NSUN3: variants seen among roughly 807,000 people sequenced by gnomAD.
The protein encoded by NSUN3 is tRNA (cytosine(34)-C(5))-methyltransferase, mitochondrial.
NSUN3 carries 24 observed loss-of-function variants against 36.8 expected under a neutral mutation model. That is an observed-to-expected ratio of 0.65 (90% CI 0.47 to 0.92). The LOEUF is 0.92. Among genes scored for constraint, NSUN3 ranks in the 40% least tolerant of loss-of-function variants. The pLI, the probability that NSUN3 is intolerant of heterozygous loss-of-function variation, is 0.00. For synonymous variants in NSUN3, 146 were observed against 145.2 expected, an observed-to-expected ratio of 1.01 and a Z score of -0.04; for missense variants, 381 against 392.8, an observed-to-expected ratio of 0.97 and a Z score of 0.25.
intron 5 of NSUN3, among the ~76,000 whole-genome samples, chr3:94,119,045 AC>A (rs1025750557): frequency 5.9e-5 from 9 of 152,104 alleles, no homozygotes; most frequent in Non-Finnish European, 1.3e-4. Context: ...TTTGGATGAA[AC>A]CTGTGATAAT....
In NSUN3 at chr3:94,129,143, A is replaced by G. The variant is rs1183891486; in HGVS notation, c.*2653A>G. On this transcript the variant is annotated 3_prime_UTR_variant, in exon 6 of 6. Coordinates refer to ENST00000314622, the MANE Select transcript of NSUN3 (RefSeq NM_022072.5). ...AATTGCCATTTGAGCTAGCAATCCC[A>G]TTAGTGGGTATATACCCACAGGAAA... Among the ~76,000 whole-genome samples, 1 of 152,206 alleles carries G rather than the reference A, an allele frequency of 6.6e-6. No homozygotes were observed. Among genetic ancestry groups the G allele is most frequent in the Middle Eastern group, 3.2e-3 (1 of 316 alleles).
chr3:94,073,117 G>A (rs181775104), intron 2 of NSUN3, among the ~76,000 whole-genome samples: 35 of 152,200 alleles, frequency 2.3e-4, no homozygotes, highest in African/African-American at 6.7e-4. Context: ...CCATGTCCCC[G>A]CGAAGGACGT....
chr3:94,071,577 C>G (rs2077224862), intron 2 of NSUN3, among the ~76,000 whole-genome samples: 1 of 152,026 alleles, frequency 6.6e-6, no homozygotes, highest in Non-Finnish European at 1.5e-5. Context: ...AAATTGCATC[C>G]TTTAAACATA....
chr3:94,068,982 C>A (rs1386081148), intron 2 of NSUN3, among the ~76,000 whole-genome samples: 1 of 152,188 alleles, frequency 6.6e-6, no homozygotes, highest in African/African-American at 2.4e-5. Flanking sequence ...AACTTTTAGA[C>A]ACTTTAAAGT....
At chr3:94,082,230 A>G (rs1380059851) in intron 2 of NSUN3, 1 of 152,190 alleles carries the variant, frequency 6.6e-6, no homozygotes. Flanking sequence ...CTTTGGGATC[A>G]GTTTTAAAGC....
At chr3:94,068,416 C>G (rs1462068199) in intron 2 of NSUN3, among the ~76,000 whole-genome samples, 1 of 152,046 alleles carries the variant, frequency 6.6e-6, no homozygotes, top group Non-Finnish European at 1.5e-5. Context: ...ACTTGCTTAT[C>G]TTTTTCCTGA....
At chr3:94,076,810 G>C in intron 2 of NSUN3, 1 of 1,581,130 alleles carries the variant, frequency 6.3e-7, no homozygotes, top group Non-Finnish European at 8.7e-7. Context: ...CTTCATGGTT[G>C]ATCTTGATTT....
intron 3 of NSUN3, among the ~76,000 whole-genome samples, chr3:94,089,874 C>A (rs1018146740): frequency 7.2e-5 from 11 of 152,124 alleles, no homozygotes; most frequent in African/African-American, 2.7e-4. Context: ...CAGTCTAATT[C>A]TTTCTTCTGA....
chr3:94,073,122 G>A (rs1364244724), intron 2 of NSUN3, among the ~76,000 whole-genome samples: 2 of 152,156 alleles, frequency 1.3e-5, no homozygotes, highest in Non-Finnish European at 2.9e-5. Context: ...TCCCCGCGAA[G>A]GACGTGAACT....
At chr3:94,117,720 T>C (rs1306229966) in intron 5 of NSUN3, among the ~76,000 whole-genome samples, 2 of 152,186 alleles carry the variant, frequency 1.3e-5, no homozygotes, top group Non-Finnish European at 2.9e-5. Context: ...ATATTTTTTC[T>C]TTTTTTCTTA....
At chr3:94,065,444 A>G (rs1350896724) in intron 2 of NSUN3, among the ~76,000 whole-genome samples, 8 of 152,224 alleles carry the variant, frequency 5.3e-5, no homozygotes, top group Admixed American at 5.2e-4. Flanking sequence ...AAAGCCCACT[A>G]CATGTTGCAT....
intron 2 of NSUN3, among the ~76,000 whole-genome samples, chr3:94,065,970 A>G (rs912909443): frequency 6.6e-6 from 1 of 152,014 alleles, no homozygotes; most frequent in African/African-American, 2.4e-5. Flanking sequence ...TAAGTGGCAG[A>G]GCTGAGGCTT....
intron 4 of NSUN3, 34 bp downstream of exon 4, chr3:94,094,328 G>T: frequency 6.3e-7 from 1 of 1,576,242 alleles, no homozygotes; most frequent in South Asian, 1.1e-5. Flanking sequence ...ACTGATGGAC[G>T]CCCAGTAATA....
At chr3:94,124,640 C>G (rs1291573969) in intron 5 of NSUN3, among the ~76,000 whole-genome samples, 1 of 152,120 alleles carries the variant, frequency 6.6e-6, no homozygotes. Context: ...TAATGAACTA[C>G]TTTTAACTTA....
At chr3:94,122,298 A>T (rs2077466583) in intron 5 of NSUN3, among the ~76,000 whole-genome samples, 2 of 152,126 alleles carry the variant, frequency 1.3e-5, no homozygotes, top group African/African-American at 4.8e-5. Flanking sequence ...TCCTAGTGAA[A>T]AGGATTGCTC....
intron 5 of NSUN3, among the ~76,000 whole-genome samples, chr3:94,100,695 A>G (rs576519769): frequency 2.6e-5 from 4 of 152,342 alleles, no homozygotes; most frequent in Admixed American, 6.5e-5. Context: ...TCTTTCTACA[A>G]TGTATACATA....
At chr3:94,102,202 T>TAAAAAAA (rs5850923) in intron 5 of NSUN3, among the ~76,000 whole-genome samples, 11 of 101,500 alleles carry the variant, frequency 1.1e-4, no homozygotes, top group South Asian at 3.5e-4. Context: ...AAAGAAACGT[T>TAAAAAAA]AAAAAAAAAA....
At chr3:94,071,173 C>T (rs2107236429) in intron 2 of NSUN3, among the ~76,000 whole-genome samples, 1 of 152,192 alleles carries the variant, frequency 6.6e-6, no homozygotes, top group Middle Eastern at 3.4e-3. Flanking sequence ...CCAATTTTTA[C>T]TTTTATAAGT....
chr3:94,078,819 A>C (rs1172430295), intron 2 of NSUN3, among the ~76,000 whole-genome samples: 1 of 152,036 alleles, frequency 6.6e-6, no homozygotes, highest in Non-Finnish European at 1.5e-5. Context: ...TTTTGAACCT[A>C]TGTGTGTCTC....
Sources: gnomAD v4.1 joint callset for allele counts (sites outside exome capture counted in the v4.1 genomes callset) on GRCh38, gnomAD v4.1.1 for gene constraint, MANE v1.5 for transcripts, NCBI Gene and HGNC (gene_info 2026-07-23, HGNC 2026-07-21) for gene names.